The following CCDC3 variants were observed in gnomAD, a reference collection of about 807,000 sequenced individuals.
CCDC3 encodes the protein coiled-coil domain containing 3, also known as coiled-coil domain-containing protein 3.
CCDC3 carries 24 observed loss-of-function variants against 21.4 expected under a neutral mutation model. That is an observed-to-expected ratio of 1.12 (90% confidence interval 0.81 to 1.58). The LOEUF (loss-of-function observed/expected upper bound fraction) is 1.58, where lower values mean the gene tolerates loss of function less well. Ranked by LOEUF, CCDC3 falls within the 40% of genes most tolerant of loss-of-function variation. The pLI is 0.00. For missense variants in CCDC3, 425 were observed against 360.9 expected (o/e 1.18, Z -1.44); for synonymous variants, 186 against 166.0 (o/e 1.12, Z -0.93).
At chr10:12,927,406 T>A (rs1283954831) in intron 2 of CCDC3, among the ~76,000 whole-genome samples, 2 of 152,218 alleles carry the variant, frequency 1.3e-5, no homozygotes, top group Non-Finnish European at 2.9e-5. Flanking sequence ...TAGCTAATAC[T>A]CAGTACAACT....
chr10:12,919,662 G>A (rs1834416686), intron 2 of CCDC3, among the ~76,000 whole-genome samples: 1 of 151,498 alleles, frequency 6.6e-6, no homozygotes, highest in Non-Finnish European at 1.5e-5. Flanking sequence ...CTCCGGGGCT[G>A]TATTCCTCTT....
chr10:13,076,383 C>T (rs1836964867), intron 3 of CCDC3, among the ~76,000 whole-genome samples: 1 of 152,196 alleles, frequency 6.6e-6, no homozygotes, highest in African/African-American at 2.4e-5. Flanking sequence ...GTTAGATATT[C>T]CTAGCCTCTA....
chr10:12,946,496 T>C (rs1834918329), intron 2 of CCDC3, among the ~76,000 whole-genome samples: 1 of 152,172 alleles, frequency 6.6e-6, no homozygotes, highest in Non-Finnish European at 1.5e-5. Flanking sequence ...GATCCGATCA[T>C]GCCCAATAAG....
At chr10:12,947,413 G>A (rs1385037453) in intron 2 of CCDC3, among the ~76,000 whole-genome samples, 2 of 152,148 alleles carry the variant, frequency 1.3e-5, no homozygotes, top group Non-Finnish European at 2.9e-5. Context: ...CTCCCAAAGT[G>A]CTGAGATTAC....
intron 2 of CCDC3, among the ~76,000 whole-genome samples, chr10:12,919,159 T>C (rs1256848184): frequency 6.6e-6 from 1 of 152,234 alleles, no homozygotes; most frequent in East Asian, 1.9e-4. Context: ...TTTAAGGGTC[T>C]ATGTATTATG....
At chr10:12,941,294 C>T (rs941098839) in intron 2 of CCDC3, among the ~76,000 whole-genome samples, 6 of 152,122 alleles carry the variant, frequency 3.9e-5, no homozygotes, top group Admixed American at 6.5e-5. Context: ...GTAATCCACC[C>T]CTTGTTTAGC....
chr10:13,075,492 T>C (rs1212379232), intron 3 of CCDC3, among the ~76,000 whole-genome samples: 2 of 152,072 alleles, frequency 1.3e-5, no homozygotes, highest in African/African-American at 2.4e-5. Flanking sequence ...GGGTAATGGT[T>C]TAGAAGCTCC....
chr10:13,092,100 AC>A (rs1368709544), intron 3 of CCDC3, among the ~76,000 whole-genome samples: 1 of 152,228 alleles, frequency 6.6e-6, no homozygotes. Context: ...AGGCGGGCAC[AC>A]TGTGAACATA....
intron 5 of CCDC3, among the ~76,000 whole-genome samples, chr10:13,014,427 G>T (rs1450606354): frequency 5.5e-5 from 8 of 146,602 alleles, no homozygotes; most frequent in Non-Finnish European, 1.0e-4. Context: ...TCCAGCCTGG[G>T]CGACAGAGTG....
At chr10:13,069,261 A>T (rs993023146) in intron 4 of CCDC3, among the ~76,000 whole-genome samples, 18 of 152,250 alleles carry the variant, frequency 1.2e-4, no homozygotes, top group African/African-American at 2.4e-4. Context: ...TGCCTCAAAA[A>T]AATAATAATA....
At chr10:13,076,822 A>G (rs1836970524) in intron 3 of CCDC3, among the ~76,000 whole-genome samples, 1 of 152,146 alleles carries the variant, frequency 6.6e-6, no homozygotes, top group Admixed American at 6.5e-5. Flanking sequence ...GAAGTTTTAA[A>G]TTGTCAGCCA....
intron 4 of CCDC3, among the ~76,000 whole-genome samples, chr10:13,071,549 C>T (rs554362026): frequency 1.9e-4 from 29 of 152,264 alleles, no homozygotes; most frequent in African/African-American, 5.1e-4. Context: ...GGAGACAGGG[C>T]GTATGTGGGT....
chr10:13,069,413 GTAAAAGGTTA>G (rs2131438615), intron 4 of CCDC3, among the ~76,000 whole-genome samples: 1 of 152,290 alleles, frequency 6.6e-6, no homozygotes, highest in East Asian at 1.9e-4. Flanking sequence ...AGCAAAATTT[GTAAAAGGTTA>G]TAAAAGGTTT....
At chr10:13,084,965 C>T (rs1837085262) in intron 3 of CCDC3, among the ~76,000 whole-genome samples, 1 of 152,172 alleles carries the variant, frequency 6.6e-6, no homozygotes, top group Non-Finnish European at 1.5e-5. Flanking sequence ...CAGTCACATA[C>T]AAAAAAGTTT....
chr10:13,061,252 G>A (rs143049167), intron 4 of CCDC3, among the ~76,000 whole-genome samples: 1 of 152,194 alleles, frequency 6.6e-6, no homozygotes, highest in Non-Finnish European at 1.5e-5. Flanking sequence ...GGAACACACA[G>A]TTCCACCTCC....
chr10:12,940,412 G>A (rs543469392), intron 2 of CCDC3, among the ~76,000 whole-genome samples: 4 of 152,242 alleles, frequency 2.6e-5, no homozygotes, highest in African/African-American at 4.8e-5. Flanking sequence ...CCTCTTGAGA[G>A]TTATATTAGG....
intron 5 of CCDC3, among the ~76,000 whole-genome samples, chr10:13,038,374 C>CAAAAAAA (rs58667035): frequency 8.7e-4 from 86 of 98,562 alleles, no homozygotes; most frequent in Non-Finnish European, 1.1e-3. Flanking sequence ...AGTTGGAAAG[C>CAAAAAAA]AAAAAAAAAA....
intron 5 of CCDC3, among the ~76,000 whole-genome samples, chr10:13,008,503 G>A (rs1835949759): frequency 6.6e-6 from 1 of 152,192 alleles, no homozygotes; most frequent in Admixed American, 6.5e-5. Context: ...TTACACACAA[G>A]AGGTTGATCA....
chr10:12,995,865 C>T (rs1230702470), intron 2 of CCDC3, among the ~76,000 whole-genome samples: 1 of 152,172 alleles, frequency 6.6e-6, no homozygotes, highest in Non-Finnish European at 1.5e-5. Flanking sequence ...TCCACGGTCC[C>T]ATTGTTCTTT....
Sources: allele counts gnomAD v4.1 joint callset (sites outside exome capture counted in the v4.1 genomes callset), GRCh38; gene constraint gnomAD v4.1.1; transcripts MANE v1.5; gene names NCBI Gene and HGNC (gene_info 2026-07-23, HGNC 2026-07-21).